Variants in APOC1 observed in about 807,000 individuals in gnomAD.
APOC1 encodes the protein apolipoprotein C1.
A neutral mutation model predicts 6.7 loss-of-function variants in APOC1; 4 were observed. The ratio of observed to expected loss-of-function variants is 0.60; its 90% confidence interval spans 0.29 to 1.37. The LOEUF (loss-of-function observed/expected upper bound fraction) is 1.37. Ranked by LOEUF, APOC1 falls within the 40% of genes most tolerant of loss-of-function variation. The probability of loss-of-function intolerance (pLI) is 0.09; values close to 1 mark genes in which losing one functional copy is unlikely to be tolerated. For missense variants in APOC1, 122 were observed against 99.4 expected (o/e 1.23, Z -0.97); for synonymous variants, 33 against 40.6 (o/e 0.81, Z 0.72).
At chr19:44,915,224 T>C (rs1969982929) in intron 2 of APOC1, 1 of 503,784 alleles carries the variant, frequency 2.0e-6, no homozygotes. Context: ...GTGGGTAAGC[T>C]GGGTGGGGGG....
At chr19:44,914,545 A>C (rs897633050), upstream of APOC1, 7 of 297,490 alleles carry the variant, frequency 2.4e-5, no homozygotes, top group Non-Finnish European at 4.5e-5. Context: ...CCGGGACCCC[A>C]CCTGACCCCA....
chr19:44,914,568 CAG>C (rs1323371998), upstream of APOC1: 1 of 360,574 alleles, frequency 2.8e-6, no homozygotes, highest in Admixed American at 3.9e-5. Context: ...GCTCACGGGA[CAG>C]GGGCAGAGGA....
chr19:44,918,051 C>G (rs770398066), intron 3 of APOC1, among the ~76,000 whole-genome samples: 3 of 151,578 alleles, frequency 2.0e-5, no homozygotes, highest in Non-Finnish European at 4.4e-5. Flanking sequence ...AGGCGGATCA[C>G]GAGGTCAGGA....
chr19:44,916,615 C>T (rs1448069418), intron 3 of APOC1: 10 of 522,430 alleles, frequency 1.9e-5, no homozygotes, highest in African/African-American at 1.4e-4. Flanking sequence ...GTCAGGAGTT[C>T]GAGACCAGTC....
At chr19:44,917,208 C>A (rs957772606) in intron 3 of APOC1, among the ~76,000 whole-genome samples, 1 of 152,160 alleles carries the variant, frequency 6.6e-6, no homozygotes, top group African/African-American at 2.4e-5. Flanking sequence ...CCCACCCTTG[C>A]CCCCTTTGGC....
chr19:44,916,324 C>A lies in APOC1; in HGVS notation c.193C>A (p.Arg65=). The A allele has an allele frequency of 5.0e-6, 8 of 1,613,446 alleles. No homozygotes were observed. The highest frequency in any genetic ancestry group is 1.7e-4 in the Middle Eastern group (1 of 5,978). ...ACAGAGTGAACTTTCTGCCAAGATGCGGTTAGAACCCTTCCCAGGGCACGG... is the reference window on the plus strand; with the variant it reads ...ACAGAGTGAACTTTCTGCCAAGATGAGGTTAGAACCCTTCCCAGGGCACGG... ...IKQSELSAKM[R]EWFSETFQKV... Residue 65 remains arginine, a splice_region_variant and synonymous_variant, in exon 3 of 4, where the codon CGG becomes AGG. Coordinates refer to ENST00000592535, the MANE Select transcript of APOC1 (RefSeq NM_001645.5).
Position 44,919,313 on chromosome 19 carries a change from C to T in APOC1, c.*83C>T. 1 of 1,206,544 alleles carries T rather than the reference C, an allele frequency of 8.3e-7. No individual in the cohort carries two copies. Among genetic ancestry groups the T allele is most frequent in the South Asian group, 1.2e-5 (1 of 80,138 alleles). 74.7% of individuals were successfully genotyped at this position (1,206,544 alleles called of 1,614,324 possible). ...TGTGCTGAGGACTCCCTCCATGTGG[C>T]CCCAGGTGCCACCAATAAAAATCCT... On this transcript the variant is annotated 3_prime_UTR_variant, in exon 4 of 4. Coordinates refer to ENST00000592535, the MANE Select transcript of APOC1 (RefSeq NM_001645.5).
At chr19:44,914,821 G>C (rs929096720) in intron 1 of APOC1, 51 bp from the exon 2 acceptor site, 17 of 1,474,106 alleles carry the variant, frequency 1.2e-5, no homozygotes, top group African/African-American at 2.8e-5. Context: ...GAGGGAGGTA[G>C]GGAGGGAGGA....
chr19:44,916,555 T>C (rs1970013140), intron 3 of APOC1: 2 of 591,610 alleles, frequency 3.4e-6, no homozygotes, highest in South Asian at 2.4e-5. Flanking sequence ...CGGTGGCTCA[T>C]GCTTGCAATC....
chr19:44,914,535 C>T, upstream of APOC1: 1 of 268,050 alleles, frequency 3.7e-6, no homozygotes, highest in Non-Finnish European at 7.3e-6. Flanking sequence ...AGGGAAGTGC[C>T]CGGGACCCCA....
At chr19:44,919,064 G>A (rs1970056942) in intron 3 of APOC1, 109 bp from the exon 4 acceptor site, 2 of 981,692 alleles carry the variant, frequency 2.0e-6, no homozygotes, top group East Asian at 2.4e-5. Context: ...CAGACAGTGG[G>A]GATGGAGATT....
At chr19:44,915,315 C>CTT (rs898326230) in intron 2 of APOC1, 104 of 132,336 alleles carry the variant, frequency 7.9e-4, no homozygotes, top group South Asian at 3.2e-3. Flanking sequence ...CCTCCCCATT[C>CTT]TTTTTTTTTT....
Position 44,919,320 on chromosome 19 carries a change from T to C in APOC1, c.*90T>C. On this transcript the variant is annotated 3_prime_UTR_variant, in exon 4 of 4. Coordinates refer to ENST00000592535, the MANE Select transcript of APOC1 (RefSeq NM_001645.5). ...AGGACTCCCTCCATGTGGCCCCAGG[T>C]GCCACCAATAAAAATCCTACAGAAA... The C allele has an allele frequency of 8.7e-7, 1 of 1,153,866 alleles. No individual in the cohort carries two copies. Among genetic ancestry groups the C allele is most frequent in the African/African-American group, 1.5e-5 (1 of 65,152 alleles). The allele number at this position is 1,153,866 out of a possible 1,614,324, so 71.5% of individuals were successfully genotyped here.
chr19:44,915,615 CCACATGATCCCCAAGG>C (rs1969990533), intron 2 of APOC1, among the ~76,000 whole-genome samples: 1 of 151,106 alleles, frequency 6.6e-6, no homozygotes, highest in African/African-American at 2.4e-5. Flanking sequence ...CCCATTCTAA[CCACATGATCCCCAAGG>C]ATCTCTATCC....
At chr19:44,917,645 G>A (rs1970032882) in intron 3 of APOC1, among the ~76,000 whole-genome samples, 1 of 146,936 alleles carries the variant, frequency 6.8e-6, no homozygotes, top group Admixed American at 6.8e-5. Context: ...GGAAGGAAGG[G>A]AGGGAGGGAG....
At chr19:44,915,382 G>T (rs1160816801) in intron 2 of APOC1, among the ~76,000 whole-genome samples, 3 of 147,530 alleles carry the variant, frequency 2.0e-5, no homozygotes, top group Non-Finnish European at 4.4e-5. Context: ...GGAGTGCAGT[G>T]GCGCGATCTC....
intron 2 of APOC1, among the ~76,000 whole-genome samples, chr19:44,915,723 T>G (rs1969992381): frequency 6.6e-6 from 1 of 151,792 alleles, no homozygotes; most frequent in African/African-American, 2.4e-5. Flanking sequence ...TCCCAGCACT[T>G]TGGGAGGCCG....
intron 3 of APOC1, 60 bp downstream of exon 3, chr19:44,916,385 A>G (rs1307956097): frequency 3.1e-6 from 5 of 1,595,596 alleles, no homozygotes; most frequent in Non-Finnish European, 4.3e-6. Flanking sequence ...GAGCCCTGGC[A>G]GATGGTCCAA....
chr19:44,914,916 G>T lies in APOC1; in HGVS notation c.25G>T (p.Val9Phe). 1.2e-6 allele frequency: 2 copies of T among 1,613,848 alleles called. No homozygotes were observed. The highest frequency in any genetic ancestry group is 2.2e-5 in the East Asian group (1 of 44,876). ...CATGAGGCTCTTCCTGTCGCTCCCGGTCCTGGTGGTGGTTCTGTCGATCGT... is the reference window on the plus strand; with the variant it reads ...CATGAGGCTCTTCCTGTCGCTCCCGTTCCTGGTGGTGGTTCTGTCGATCGT... MRLFLSLP[V>F]LVVVLSIVLE... The change falls in exon 2 of 4, where the codon GTC (valine) becomes TTC (phenylalanine). Residue 9 changes from valine (V) to phenylalanine (F), a missense_variant. By Grantham distance (50) the Val-to-Phe change is conservative. Transcript: ENST00000592535.
Sources: allele counts gnomAD v4.1 joint callset (sites outside exome capture counted in the v4.1 genomes callset), GRCh38; gene constraint gnomAD v4.1.1; transcripts MANE v1.5; gene names NCBI Gene and HGNC (gene_info 2026-07-23, HGNC 2026-07-21).